SHANK2: variants seen among roughly 807,000 people sequenced by gnomAD.
SHANK2 encodes SH3 and multiple ankyrin repeat domains 2.
Under a neutral mutation model 133.7 loss-of-function variants are expected in SHANK2, and 43 were observed. That is an observed-to-expected ratio of 0.32 (90% CI 0.25 to 0.41). SHANK2 has a LOEUF of 0.41. Ranked by LOEUF, SHANK2 falls within the 10% of genes least tolerant of loss-of-function variation. The probability of loss-of-function intolerance (pLI) is 1.00; values close to 1 mark genes in which losing one functional copy is unlikely to be tolerated. For missense variants in SHANK2, 1,994 were observed against 2,235.8 expected, an observed-to-expected ratio of 0.89 and a Z score of 2.18; for synonymous variants, 1,017 against 952.8, an observed-to-expected ratio of 1.07 and a Z score of -1.24.
In SHANK2 at chr11:70,896,570, G is replaced by A; in HGVS notation, c.1108-3C>T. 5.6e-6 allele frequency: 4 copies of A among 718,784 alleles called. No individual in the cohort carries two copies. Among genetic ancestry groups the A allele is most frequent in the Non-Finnish European group, 1.0e-5 (4 of 385,012 alleles). 44.5% of individuals were successfully genotyped at this position (718,784 alleles called of 1,614,324 possible). A position where few individuals can be genotyped will look rare whatever the true frequency, so the allele number is the denominator to read the frequency against. ...AAGTTGCCTGCTATTATGGCCACCTGCAAAGTGAAAATCACATTAAGTTAA... is the reference window on the plus strand; with the variant it reads ...AAGTTGCCTGCTATTATGGCCACCTACAAAGTGAAAATCACATTAAGTTAA... On this transcript the variant is annotated splice_polypyrimidine_tract_variant and splice_region_variant and intron_variant, in intron 10 of 25. Coordinates refer to ENST00000601538, the MANE Select transcript of SHANK2 (RefSeq NM_012309.5).
At chr11:71,194,542 A>AG (rs1953859499) in intron 2 of SHANK2, among the ~76,000 whole-genome samples, 1 of 152,154 alleles carries the variant, frequency 6.6e-6, no homozygotes, top group African/African-American at 2.4e-5. Flanking sequence ...TGCCAATGGG[A>AG]GGGGGGCAGG....
intron 10 of SHANK2, among the ~76,000 whole-genome samples, chr11:70,904,455 C>T (rs1377590924): frequency 4.0e-5 from 6 of 151,750 alleles, no homozygotes; most frequent in Admixed American, 1.3e-4. Context: ...AATCTCATCT[C>T]ATAGCTCCCA....
At chr11:70,560,493 T>G (rs1319540696) in intron 17 of SHANK2, among the ~76,000 whole-genome samples, 2 of 118,494 alleles carry the variant, frequency 1.7e-5, no homozygotes, top group African/African-American at 6.6e-5. Flanking sequence ...GTTTTTTTTT[T>G]TTTTTTTTTT....
At chr11:70,880,967 GT>G (rs1463286897) in intron 11 of SHANK2, among the ~76,000 whole-genome samples, 3 of 152,226 alleles carry the variant, frequency 2.0e-5, no homozygotes, top group Non-Finnish European at 4.4e-5. Context: ...CTGAGTCTGT[GT>G]TCCCTGGGGT....
At chr11:71,225,747 A>G (rs1290168835) in intron 1 of SHANK2, among the ~76,000 whole-genome samples, 1 of 152,208 alleles carries the variant, frequency 6.6e-6, no homozygotes, top group Non-Finnish European at 1.5e-5. Flanking sequence ...AACAATTAGG[A>G]ACATGCTAGA....
intron 21 of SHANK2, among the ~76,000 whole-genome samples, chr11:70,496,292 A>G (rs2058969685): frequency 6.6e-6 from 1 of 152,162 alleles, no homozygotes; most frequent in South Asian, 2.1e-4. Flanking sequence ...GCCCTTCCAG[A>G]AGCCATGTGT....
chr11:70,674,651 T>A (rs1221598602), intron 15 of SHANK2, among the ~76,000 whole-genome samples: 1 of 152,206 alleles, frequency 6.6e-6, no homozygotes, highest in Non-Finnish European at 1.5e-5. Context: ...GTCCAGCCAA[T>A]GATGTCCTTT....
At chr11:71,217,503 C>CAA (rs1280430190) in intron 2 of SHANK2, among the ~76,000 whole-genome samples, 8 of 141,464 alleles carry the variant, frequency 5.7e-5, no homozygotes, top group African/African-American at 2.1e-4. Flanking sequence ...GACTCCGTCT[C>CAA]AAAAAAAAAA....
At chr11:70,575,213 G>A (rs2060100877) in intron 17 of SHANK2, among the ~76,000 whole-genome samples, 1 of 152,184 alleles carries the variant, frequency 6.6e-6, no homozygotes, top group African/African-American at 2.4e-5. Flanking sequence ...AACGGTGACT[G>A]TCAAAGTACA....
At chr11:70,921,670 G>A (rs1278523809) in intron 10 of SHANK2, among the ~76,000 whole-genome samples, 3 of 152,188 alleles carry the variant, frequency 2.0e-5, no homozygotes, top group Non-Finnish European at 4.4e-5. Flanking sequence ...AGTGCTGAGG[G>A]CTACAATCTA....
intron 14 of SHANK2, among the ~76,000 whole-genome samples, chr11:70,771,234 A>G (rs1947243396): frequency 6.6e-6 from 1 of 152,170 alleles, no homozygotes; most frequent in East Asian, 1.9e-4. Context: ...GCCCAGAGAC[A>G]GTTTCTATAA....
intron 14 of SHANK2, among the ~76,000 whole-genome samples, chr11:70,771,668 C>T (rs782462165): frequency 6.6e-6 from 1 of 151,998 alleles, no homozygotes; most frequent in Non-Finnish European, 1.5e-5. Flanking sequence ...GGGGGCCCAG[C>T]GAGCTTCTGC....
chr11:70,815,182 A>G (rs1419858245), intron 12 of SHANK2, among the ~76,000 whole-genome samples: 3 of 12,760 alleles, frequency 2.4e-4, no homozygotes, highest in African/African-American at 1.2e-3. Context: ...AGAAACACAC[A>G]CACACACACA....
At chr11:70,623,725 C>T (rs962996580) in intron 17 of SHANK2, among the ~76,000 whole-genome samples, 1 of 152,234 alleles carries the variant, frequency 6.6e-6, no homozygotes, top group African/African-American at 2.4e-5. Context: ...GCTCCTCAGC[C>T]ACACTGGCTG....
Position 70,830,335 on chromosome 11 carries a change from C to T in SHANK2, c.1175-9653G>A, listed in dbSNP as rs535963547. Among the ~76,000 whole-genome samples, 379 of 152,304 alleles carry T rather than the reference C, an allele frequency of 2.5e-3. 1 individual carries two copies. Among genetic ancestry groups the T allele is most frequent in the Middle Eastern group, 6.8e-3 (2 of 294 alleles). ...GGAAGTTCTGTGTGGACAAATGTTCCGTGTGAGTGTTTGGGGTCCGGGCCC... is the reference window on the plus strand; with the variant it reads ...GGAAGTTCTGTGTGGACAAATGTTCTGTGTGAGTGTTTGGGGTCCGGGCCC... On this transcript the variant is annotated intron_variant, in intron 11 of 25. Transcript: ENST00000601538. This position sits in a 1 kb window ranked among gnomAD's most constrained non-coding sequence, Gnocchi z 4.4.
chr11:70,950,026 T>C, intron 10 of SHANK2: 2 of 456,520 alleles, frequency 4.4e-6, no homozygotes, highest in South Asian at 3.1e-5. Flanking sequence ...GCTCTCAATG[T>C]GTCTTCATGG....
intron 2 of SHANK2, among the ~76,000 whole-genome samples, chr11:71,189,990 G>A (rs981264857): frequency 6.6e-6 from 1 of 152,262 alleles, no homozygotes; most frequent in Non-Finnish European, 1.5e-5. Flanking sequence ...CAAGCGTCCA[G>A]TAGCATGGTG....
intron 11 of SHANK2, among the ~76,000 whole-genome samples, chr11:70,856,449 T>G (rs1282865853): frequency 6.7e-6 from 1 of 148,752 alleles, no homozygotes; most frequent in African/African-American, 2.5e-5. Context: ...CAGATGGATA[T>G]TTGGATGGAT....
At chr11:71,079,882 GA>G (rs1951273031) in intron 8 of SHANK2, among the ~76,000 whole-genome samples, 1 of 65,478 alleles carries the variant, frequency 1.5e-5, no homozygotes, top group Admixed American at 1.7e-4. Context: ...GAAGGGAGGG[GA>G]GGGGAGGGGA....
Sources: gnomAD v4.1 joint callset for allele counts (sites outside exome capture counted in the v4.1 genomes callset) on GRCh38, gnomAD v4.1.1 for gene constraint, Gnocchi (gnomAD v3.1) non-coding constraint, MANE v1.5 for transcripts, NCBI Gene and HGNC (gene_info 2026-07-23, HGNC 2026-07-21) for gene names.